The following PRSS23 variants were observed in gnomAD, a reference collection of about 807,000 sequenced individuals.
The protein encoded by PRSS23 is serine protease 23, also known as protease, serine 23.
PRSS23 carries 25 observed loss-of-function variants against 34.7 expected under a neutral mutation model. That is an observed-to-expected ratio of 0.72 (90% CI 0.53 to 1.01). PRSS23 has a LOEUF of 1.01. Ranked by LOEUF, PRSS23 falls within the 50% of genes least tolerant of loss-of-function variation. The pLI, the probability that PRSS23 is intolerant of heterozygous loss-of-function variation, is 0.00. For synonymous variants in PRSS23, 176 were observed against 186.6 expected (o/e 0.94, Z 0.46); for missense variants, 445 against 475.6 (o/e 0.94, Z 0.60).
At chr11:86,836,873 C>T (rs1168436379) in intron 2 of PRSS23, 2 of 152,404 alleles carry the variant, frequency 1.3e-5, no homozygotes, top group African/African-American at 4.8e-5. Flanking sequence ...AACAAGTAAA[C>T]CAACACCCAG....
intron 2 of PRSS23, among the ~76,000 whole-genome samples, chr11:86,926,463 C>G (rs1365165047): frequency 2.0e-5 from 3 of 152,194 alleles, no homozygotes; most frequent in South Asian, 2.1e-4. Context: ...GTTGCAAGAC[C>G]CACCTGAAAG....
chr11:86,917,541 C>T (rs1949021619), intron 2 of PRSS23, among the ~76,000 whole-genome samples: 1 of 152,188 alleles, frequency 6.6e-6, no homozygotes, highest in Admixed American at 6.5e-5. Flanking sequence ...AGTGTTAGGT[C>T]AAGTGCTTAG....
rs1948131136 is a variant in PRSS23 at position 86,808,263 on chromosome 11, A to G, written c.620A>G (p.Asn207Ser). The G allele has an allele frequency of 1.2e-6, 2 of 1,613,962 alleles. No individual in the cohort carries two copies. Among genetic ancestry groups the G allele is most frequent in the South Asian group, 2.2e-5 (2 of 91,082 alleles). Reference sequence around the variant, plus strand: ...TTTAAAGATGGTGGTCGAGGGGCCAACGACTCCACTTCAGCCATGCCCGAG... The same window carrying G: ...TTTAAAGATGGTGGTCGAGGGGCCAGCGACTCCACTTCAGCCATGCCCGAG... ...PKFKDGGRGA[N>S]DSTSAMPEQM... The change falls in exon 2 of 2, where the codon AAC (asparagine) becomes AGC (serine). Residue 207 changes from asparagine to serine, a missense_variant. By Grantham distance (46) the Asn-to-Ser change is conservative (BLOSUM62 1). Coordinates refer to ENST00000280258, the MANE Select transcript of PRSS23 (RefSeq NM_007173.6).
intron 2 of PRSS23, among the ~76,000 whole-genome samples, chr11:86,869,443 A>G (rs1948670641): frequency 6.6e-6 from 1 of 152,176 alleles, no homozygotes; most frequent in Non-Finnish European, 1.5e-5. Flanking sequence ...GCTTTGAATG[A>G]GACAGACATG....
intron 2 of PRSS23, among the ~76,000 whole-genome samples, chr11:86,829,901 G>C (rs1210140039): frequency 6.6e-6 from 1 of 152,172 alleles, no homozygotes; most frequent in Non-Finnish European, 1.5e-5. Context: ...TGCCCCTACT[G>C]GGGGGTGCCT....
intron 1 of PRSS23, among the ~76,000 whole-genome samples, chr11:86,802,417 A>T (rs1948050883): frequency 2.0e-5 from 3 of 152,190 alleles, no homozygotes; most frequent in African/African-American, 7.2e-5. Context: ...TTTTGCCTTA[A>T]TAGGGTCTGT....
intron 2 of PRSS23, among the ~76,000 whole-genome samples, chr11:86,842,776 G>T (rs184591709): frequency 1.3e-5 from 2 of 152,100 alleles, no homozygotes; most frequent in African/African-American, 2.4e-5. Context: ...AAAAGAGGAC[G>T]CCAAGAAACG....
Position 86,810,742 on chromosome 11 carries a change from TGTTTA to T in PRSS23, c.*1951_*1955del, listed in dbSNP as rs1458584431. On this transcript the variant is annotated 3_prime_UTR_variant, in exon 2 of 2. Coordinates refer to ENST00000280258, the MANE Select transcript of PRSS23 (RefSeq NM_007173.6). ...TGGCACAAAGTCAAAATGAAATCAA[TGTTTA>T]GTTCACAAGTAGATGTAATTTACTA... 6.0e-6 allele frequency: 1 copy of T among 167,084 alleles called. No homozygotes were observed. The highest frequency in any genetic ancestry group is 1.5e-5 in the Non-Finnish European group (1 of 68,124). 10.4% of individuals were successfully genotyped at this position (167,084 alleles called of 1,614,324 possible).
chr11:86,952,143 C>G (rs1260871434), exon 3 of PRSS23: 2 of 1,612,392 alleles, frequency 1.2e-6, no homozygotes, highest in Non-Finnish European at 1.7e-6. Flanking sequence ...GCATCATAGC[C>G]ACACTTGAGC....
chr11:86,951,226 T>C (rs771038159), exon 3 of PRSS23: 3 of 1,614,104 alleles, frequency 1.9e-6, no homozygotes, highest in Non-Finnish European at 2.5e-6. Flanking sequence ...AATTCACCAA[T>C]CTGTTGGAAC....
chr11:86,834,911 C>G (rs1370325802), intron 2 of PRSS23, among the ~76,000 whole-genome samples: 1 of 152,220 alleles, frequency 6.6e-6, no homozygotes, highest in Non-Finnish European at 1.5e-5. Flanking sequence ...TCACTGACCA[C>G]TGCATACCCC....
intron 2 of PRSS23, among the ~76,000 whole-genome samples, chr11:86,882,773 G>A (rs193220662): frequency 1.2e-4 from 19 of 152,226 alleles, no homozygotes; most frequent in African/African-American, 4.1e-4. Flanking sequence ...TTGAAGAATC[G>A]CCACATTGTC....
chr11:86,940,366 G>A (rs1406099792), intron 2 of PRSS23, among the ~76,000 whole-genome samples: 2 of 152,182 alleles, frequency 1.3e-5, no homozygotes, highest in Non-Finnish European at 2.9e-5. Context: ...ATTTTAGAAA[G>A]CAAAGATTCG....
At chr11:86,893,954 T>A (rs7131566) in intron 2 of PRSS23, among the ~76,000 whole-genome samples, 28,272 of 151,602 alleles carry the variant, frequency 0.19, 3,220 homozygotes, top group African/African-American at 0.33. Flanking sequence ...AGAAATAGAG[T>A]GGGAGTAAAG....
chr11:86,928,971 T>C (rs1667573306), intron 2 of PRSS23, among the ~76,000 whole-genome samples: 1 of 151,956 alleles, frequency 6.6e-6, no homozygotes, highest in Non-Finnish European at 1.5e-5. Context: ...TTAAACATTG[T>C]GGATGGGAAT....
At chr11:86,849,573 A>T (rs1246721053) in intron 2 of PRSS23, among the ~76,000 whole-genome samples, 1 of 152,190 alleles carries the variant, frequency 6.6e-6, no homozygotes, top group African/African-American at 2.4e-5. Context: ...GCTCACAAAG[A>T]ATTACAGGAT....
chr11:86,899,230 C>A (rs1307819874), intron 2 of PRSS23, among the ~76,000 whole-genome samples: 1 of 152,094 alleles, frequency 6.6e-6, no homozygotes, highest in African/African-American at 2.4e-5. Context: ...GAAAAAAATA[C>A]TACCCTGGCC....
intron 2 of PRSS23, among the ~76,000 whole-genome samples, chr11:86,887,976 T>C (rs1246322229): frequency 6.6e-6 from 1 of 151,720 alleles, no homozygotes; most frequent in Non-Finnish European, 1.5e-5. Flanking sequence ...TGCTTGAATC[T>C]GGGAGGCAGA....
rs1948117643 is a variant in PRSS23 at position 86,807,667 on chromosome 11, C to G, written c.24C>G (p.Leu8=). ...GCATGGCAGGGATTCCAGGGCTCCTCTTCCTTCTCTTCTTTCTGCTCTGTG... is the reference window on the plus strand; with the variant it reads ...GCATGGCAGGGATTCCAGGGCTCCTGTTCCTTCTCTTCTTTCTGCTCTGTG... The part of the protein sequence containing the change: MAGIPGL[L]FLLFFLLCAV... Residue 8 remains leucine (L), a synonymous_variant, in exon 2 of 2, where the codon CTC becomes CTG. Coordinates refer to ENST00000280258, the MANE Select transcript of PRSS23 (RefSeq NM_007173.6). 1 of 1,611,892 alleles carries G rather than the reference C, an allele frequency of 6.2e-7. No individual in the cohort carries two copies. The highest frequency in any genetic ancestry group is 1.3e-5 in the African/African-American group (1 of 74,864).
Sources: allele counts gnomAD v4.1 joint callset (sites outside exome capture counted in the v4.1 genomes callset), GRCh38; gene constraint gnomAD v4.1.1; transcripts MANE v1.5; gene names NCBI Gene and HGNC (gene_info 2026-07-23, HGNC 2026-07-21).